The following ZC3H11B variants were observed in gnomAD, a reference collection of about 807,000 sequenced individuals.
The protein encoded by ZC3H11B is zinc finger CCCH domain-containing protein 11B.
In ZC3H11B, 3 loss-of-function variants were observed where a neutral mutation model predicts 34.0. That is an observed-to-expected ratio of 0.09 (90% CI 0.04 to 0.23). ZC3H11B has a LOEUF of 0.23. ZC3H11B is among the 10% of genes least tolerant of loss of function. The pLI, the probability that ZC3H11B is intolerant of heterozygous loss-of-function variation, is 1.00. For synonymous variants in ZC3H11B, 33 were observed against 250.1 expected, an observed-to-expected ratio of 0.13 and a Z score of 8.19; for missense variants, 99 against 660.1, an observed-to-expected ratio of 0.15 and a Z score of 9.31.
chr1:219,610,735 G>GT lies in ZC3H11B; in HGVS notation c.1327dup (p.Thr443AsnfsTer20), dbSNP rs1430775230. The GT allele has an allele frequency of 5.3e-5, 32 of 609,502 alleles. No homozygotes were observed. Among genetic ancestry groups the GT allele is most frequent in the East Asian group, 1.7e-4 (6 of 34,576 alleles). 37.8% of individuals were successfully genotyped at this position (609,502 alleles called of 1,614,324 possible). ...GGCAACAATGGGTGGCAAAACTACT[G>GT]TTTTTTTAATTTCACTATCAGTCTT... On this transcript the variant is annotated frameshift_variant, in exon 2 of 2. Transcript: ENST00000651890. LOFTEE classifies it high-confidence loss of function.
At position 219,612,912 on chromosome 1, in the gene ZC3H11B, G is replaced by T. The variant is rs1313650245; in HGVS notation, c.-502+19C>A. On this transcript the variant is annotated intron_variant, in intron 1 of 1. Transcript: ENST00000651890. ...CAGGGGTGGGAGTGTAATGAGGGTG[G>T]GGAATGGGTGTAGGATACCGGAATA... 1.2e-4 allele frequency: 32 copies of T among 261,900 alleles called. 3 individuals carry two copies. Among genetic ancestry groups the T allele is most frequent in the South Asian group, 2.2e-4 (1 of 4,642 alleles). The allele number at this position is 261,900 out of a possible 1,614,324, so 16.2% of individuals were successfully genotyped here. A position where few individuals can be genotyped will look rare whatever the true frequency, so the allele number is the denominator to read the frequency against.
rs1668004225 is a variant in ZC3H11B at position 219,611,740 on chromosome 1, G to C, written c.323C>G (p.Ser108Ter). The C allele has an allele frequency of 6.7e-7, 1 of 1,491,414 alleles. No individual in the cohort carries two copies. Among genetic ancestry groups the C allele is most frequent in the Non-Finnish European group, 9.3e-7 (1 of 1,074,122 alleles). The allele number at this position is 1,491,414 out of a possible 1,614,324, so 92.4% of individuals were successfully genotyped here. A position where few individuals can be genotyped will look rare whatever the true frequency, so the allele number is the denominator to read the frequency against. Residue 108 changes from serine to a stop codon, truncating the protein, a stop_gained, in exon 2 of 2, where the codon TCA (serine) becomes TGA (stop). Coordinates refer to ENST00000651890, the Ensembl canonical transcript of ZC3H11B. LOFTEE classifies it high-confidence loss of function. Reference sequence around the variant, plus strand: ...GCTAGCCTTCACTTCCTCTTCTGGTGACTCAGGCACAGTGGGCAACACACT... The same window carrying C: ...GCTAGCCTTCACTTCCTCTTCTGGTCACTCAGGCACAGTGGGCAACACACT...
chr1:219,608,075 T>C (rs1352581310), exon 2 of ZC3H11B, among the ~76,000 whole-genome samples: 1 of 152,134 alleles, frequency 6.6e-6, no homozygotes, highest in Non-Finnish European at 1.5e-5. Context: ...AAAAGGGACC[T>C]GGAATCTGTA....
rs1260741950 is a variant in ZC3H11B at position 219,610,369 on chromosome 1, GTCTC to G, written c.1690_1693del (p.Glu564ArgfsTer14). 1 of 625,490 alleles carries G rather than the reference GTCTC, an allele frequency of 1.6e-6. No individual in the cohort carries two copies. Among genetic ancestry groups the G allele is most frequent in the Non-Finnish European group, 2.8e-6 (1 of 355,076 alleles). The allele number at this position is 625,490 out of a possible 1,614,324, so 38.7% of individuals were successfully genotyped here. On this transcript the variant is annotated frameshift_variant, in exon 2 of 2. Coordinates refer to ENST00000651890, the Ensembl canonical transcript of ZC3H11B. LOFTEE classifies it high-confidence loss of function. ...CCTCTCCTGCTGTTTCTGCATGCGC[GTCTC>G]TCTCATGATCTCACATCTCTTGACT...
At chr1:219,612,261 A>G in exon 2 of ZC3H11B, 1 of 526,714 alleles carries the variant, frequency 1.9e-6, no homozygotes. Flanking sequence ...GTTCCAATCT[A>G]TTATGCCTGT....
At chr1:219,612,281 C>T (rs1349527338) in exon 2 of ZC3H11B, 3 of 504,320 alleles carry the variant, frequency 5.9e-6, no homozygotes, top group Non-Finnish European at 1.0e-5. Context: ...TAGGTCGAAC[C>T]AACACTCAAT....
At chr1:219,613,092 A>G in exon 1 of ZC3H11B, 1 of 217,378 alleles carries the variant, frequency 4.6e-6, no homozygotes, top group Non-Finnish European at 9.0e-6. Context: ...CAGCACTAGC[A>G]GAAAACCAAG....
At chr1:219,610,820 GTTC>G (rs1174915144) in exon 2 of ZC3H11B, 1 of 554,638 alleles carries the variant, frequency 1.8e-6, no homozygotes, top group Non-Finnish European at 3.0e-6. Flanking sequence ...TGCTGCCTAT[GTTC>G]TTCTTCAGCC....
In ZC3H11B at chr1:219,609,864, C is replaced by G. The variant is rs1435684564; in HGVS notation, c.2199G>C (p.Gln733His). The change falls in exon 2 of 2, where the codon CAG becomes CAC. Residue 733 changes from glutamine (Q) to histidine (H), a missense_variant. Gln to His is a conservative substitution (Grantham distance 24). Coordinates refer to ENST00000651890, the Ensembl canonical transcript of ZC3H11B. ...CCGGGGGTGAGGAATCTGAAGAGGA[C>G]TGGGTTGGAGGCAGCACAAGACTGT... 1.9e-6 allele frequency: 3 copies of G among 1,614,042 alleles called. No individual in the cohort carries two copies. The African/African-American group carries it at 4.0e-5, about 22-fold the overall frequency.
exon 2 of ZC3H11B, among the ~76,000 whole-genome samples, chr1:219,608,060 T>C (rs1667943883): frequency 6.6e-6 from 1 of 152,040 alleles, no homozygotes; most frequent in African/African-American, 2.4e-5. Flanking sequence ...ATAAAGAATA[T>C]ATACAAAAGG....
exon 2 of ZC3H11B, among the ~76,000 whole-genome samples, chr1:219,608,195 T>C (rs1189728220): frequency 2.0e-5 from 3 of 152,076 alleles, no homozygotes; most frequent in Admixed American, 2.0e-4. Context: ...GAAGATGGAT[T>C]GGTAGAGGTG....
exon 2 of ZC3H11B, chr1:219,612,443 A>G (rs1249715361): frequency 5.2e-6 from 1 of 192,394 alleles, no homozygotes; most frequent in Admixed American, 6.2e-5. Flanking sequence ...GTCAGACTGG[A>G]GACAGCAAGG....
chr1:219,608,101 C>T (rs538341355), exon 2 of ZC3H11B, among the ~76,000 whole-genome samples: 125 of 151,958 alleles, frequency 8.2e-4, no homozygotes, highest in Non-Finnish European at 1.5e-3. Flanking sequence ...ATTCCAAAAG[C>T]GAAATAAGTA....
chr1:219,609,314 G>A (rs1667963498), exon 2 of ZC3H11B: 3 of 380,932 alleles, frequency 7.9e-6, no homozygotes, highest in Non-Finnish European at 1.4e-5. Context: ...ACACCTCAAG[G>A]AGTCACTAAG....
At chr1:219,611,087 G>T in exon 2 of ZC3H11B, 1 of 1,432,140 alleles carries the variant, frequency 7.0e-7, no homozygotes, top group Non-Finnish European at 9.8e-7. Context: ...TTGGAAACTT[G>T]AGCTTTCTTT....
exon 2 of ZC3H11B, among the ~76,000 whole-genome samples, chr1:219,608,101 C>A (rs538341355): frequency 6.6e-6 from 1 of 151,840 alleles, no homozygotes; most frequent in South Asian, 2.1e-4. Context: ...ATTCCAAAAG[C>A]GAAATAAGTA....
At chr1:219,608,656 T>C (rs1244725994) in exon 2 of ZC3H11B, 1 of 151,900 alleles carries the variant, frequency 6.6e-6, no homozygotes, top group Non-Finnish European at 1.5e-5. Context: ...ACAGTACAAT[T>C]CAGTGTACTG....
chr1:219,609,763 G>T, exon 2 of ZC3H11B: 1 of 1,597,752 alleles, frequency 6.3e-7, no homozygotes, highest in Admixed American at 1.7e-5. Flanking sequence ...CACAGAGAGT[G>T]GGGGCTTTCC....
At chr1:219,609,917 T>C in exon 2 of ZC3H11B, 3 of 1,613,326 alleles carry the variant, frequency 1.9e-6, no homozygotes, top group Non-Finnish European at 2.5e-6. Flanking sequence ...TCAGGCACAG[T>C]GACTGATTTG....
Sources: allele counts gnomAD v4.1 joint callset (sites outside exome capture counted in the v4.1 genomes callset), GRCh38; gene constraint gnomAD v4.1.1; transcripts MANE v1.5; gene names NCBI Gene and HGNC (gene_info 2026-07-23, HGNC 2026-07-21).